The following SERINC2 variants were observed in gnomAD, a reference collection of about 807,000 sequenced individuals.
SERINC2 encodes the protein tumor differentially expressed protein 2.
SERINC2 carries 56 observed loss-of-function variants against 54.2 expected under a neutral mutation model. That is an observed-to-expected ratio of 1.03 (90% confidence interval 0.83 to 1.29). The LOEUF is 1.29. Ranked by LOEUF, SERINC2 falls within the 50% of genes most tolerant of loss-of-function variation. SERINC2 has a pLI of 0.00. For synonymous variants in SERINC2, 272 were observed against 253.1 expected, an observed-to-expected ratio of 1.07 and a Z score of -0.71; for missense variants, 614 against 607.4, an observed-to-expected ratio of 1.01 and a Z score of -0.12.
chr1:31,414,750 T>A (rs1004477987), intron 1 of SERINC2: 1 of 985,332 alleles, frequency 1.0e-6, no homozygotes, highest in Non-Finnish European at 1.2e-6. Flanking sequence ...GCTTCCACAG[T>A]GGACCTGATT....
intron 8 of SERINC2, among the ~76,000 whole-genome samples, chr1:31,432,204 A>G (rs113766066): frequency 0.014 from 628 of 46,026 alleles, 12 homozygotes; most frequent in African/African-American, 0.018. Flanking sequence ...GAGTGGAGAG[A>G]GTGGACAGGG....
At chr1:31,414,191 C>T (rs1452769759) in intron 1 of SERINC2, 63 of 1,366,772 alleles carry the variant, frequency 4.6e-5, no homozygotes, top group Non-Finnish European at 5.7e-5. Context: ...AACCTCTGTT[C>T]TGTAGCTGCA....
At chr1:31,431,810 TGGACAGGGTGGATAGGGTGGA>T (rs1557499879) in intron 8 of SERINC2, among the ~76,000 whole-genome samples, 4 of 145,148 alleles carry the variant, frequency 2.8e-5, no homozygotes, top group South Asian at 2.3e-4. Flanking sequence ...GTGGACAGGG[TGGACAGGGTGGATAGGGTGGA>T]TAGGGTGGAT....
At chr1:31,415,690 G>T (rs1312586219) in intron 1 of SERINC2, among the ~76,000 whole-genome samples, 1 of 152,226 alleles carries the variant, frequency 6.6e-6, no homozygotes, top group Non-Finnish European at 1.5e-5. Flanking sequence ...ACATTAAGTG[G>T]TGTAGTTGGG....
At chr1:31,428,947 G>T in intron 6 of SERINC2, 31 bp from the exon 7 acceptor site, 1 of 1,595,278 alleles carries the variant, frequency 6.3e-7, no homozygotes, top group African/African-American at 1.3e-5. Flanking sequence ...CTCTGGTCTG[G>T]CAGGGGTCTT....
At chr1:31,418,049 G>C (rs1199272573) in intron 1 of SERINC2, among the ~76,000 whole-genome samples, 3 of 151,968 alleles carry the variant, frequency 2.0e-5, no homozygotes, top group South Asian at 2.1e-4. Flanking sequence ...AGTAGAGATA[G>C]GGTTTCACCA....
chr1:31,431,777 A>G, intron 8 of SERINC2, among the ~76,000 whole-genome samples: 1 of 95,632 alleles, frequency 1.0e-5, no homozygotes, highest in Admixed American at 9.7e-5. Context: ...GAGAGGGTGA[A>G]TAGGGTGGAT....
chr1:31,432,071 TGGACAGGGTGGTTAGGGTGGAC>T (rs1641275364), intron 8 of SERINC2, among the ~76,000 whole-genome samples: 8 of 130,776 alleles, frequency 6.1e-5, no homozygotes, highest in Non-Finnish European at 8.0e-5. Context: ...GTGGACAGGG[TGGACAGGGTGGTTAGGGTGGAC>T]AGGGTGGACA....
Position 31,428,608 on chromosome 1 carries a change from A to G in SERINC2, c.781-370A>G, listed in dbSNP as rs560628075. 1.4e-4 allele frequency among the ~76,000 whole-genome samples: 21 copies of G among 152,260 alleles called. No homozygotes were observed. In the East Asian group the frequency reaches 3.5e-3, roughly 25 times the overall value. ...CGGAGATGCTGGGAAGGAACTTGTC[A>G]GAGGGAGGGCACAGCGACGGCAAAG... On this transcript the variant is annotated intron_variant, in intron 6 of 9. Coordinates refer to ENST00000373709, the MANE Select transcript of SERINC2 (RefSeq NM_178865.5).
upstream of SERINC2, among the ~76,000 whole-genome samples, chr1:31,412,000 CAAAAAAAAAAAA>C (rs11368197): frequency 2.2e-4 from 10 of 44,506 alleles, no homozygotes; most frequent in Non-Finnish European, 3.1e-4. Flanking sequence ...GACCCTGTCT[CAAAAAAAAAAAA>C]AAAAAAAAAA....
At chr1:31,422,690 A>G (rs1388970725) in intron 1 of SERINC2, among the ~76,000 whole-genome samples, 6 of 152,068 alleles carry the variant, frequency 3.9e-5, no homozygotes, top group Non-Finnish European at 5.9e-5. Flanking sequence ...CTGGGTGAGG[A>G]GTAGGGGCTG....
Position 31,426,732 on chromosome 1 carries a change from C to T in SERINC2, c.689C>T (p.Pro230Leu), listed in dbSNP as rs1641053647. The stretch of plus-strand genomic sequence containing the variant: ...CTGATGTTCATGTACTACACTGAGC[C>T]CAGCGGCTGCCACGAGGGCAAGGTC... ...VALMFMYYTEPSGCHEGKVFI... is the reference protein window; with the variant it reads ...VALMFMYYTELSGCHEGKVFI... The change falls in exon 6 of 10, where the codon CCC becomes CTC. Residue 230 changes from proline (P) to leucine (L), a missense_variant. By Grantham distance (98) the Pro-to-Leu change is moderately conservative. Transcript: ENST00000373709. 3 of 1,614,138 alleles carry T rather than the reference C, an allele frequency of 1.9e-6. No homozygotes were observed. In the African/African-American group the frequency reaches 4.0e-5, roughly 22 times the overall value.
intron 6 of SERINC2, among the ~76,000 whole-genome samples, chr1:31,428,532 C>T (rs185419253): frequency 2.0e-5 from 3 of 152,174 alleles, no homozygotes; most frequent in East Asian, 3.9e-4. Flanking sequence ...AGTTCAGGTT[C>T]CCAGGGCTCC....
intron 1 of SERINC2, chr1:31,416,044 C>A (rs1640773538): frequency 2.8e-6 from 1 of 355,534 alleles, no homozygotes; most frequent in Non-Finnish European, 3.9e-6. Context: ...GTGTGAAAGG[C>A]CTTTGGGTCA....
chr1:31,432,060 G>T (rs1222306661), intron 8 of SERINC2, among the ~76,000 whole-genome samples: 1 of 133,156 alleles, frequency 7.5e-6, no homozygotes, highest in African/African-American at 3.0e-5. Context: ...GGGTGGACAG[G>T]GTGGACAGGG....
At chr1:31,412,006 A>G (rs902234437), upstream of SERINC2, among the ~76,000 whole-genome samples, 2 of 149,326 alleles carry the variant, frequency 1.3e-5, no homozygotes, top group African/African-American at 4.9e-5. Flanking sequence ...GTCTCAAAAA[A>G]AAAAAAAAAA....
chr1:31,424,802 C>T lies in SERINC2; in HGVS notation c.321C>T (p.Phe107=). The T allele has an allele frequency of 6.2e-7, 1 of 1,612,222 alleles. No individual in the cohort carries two copies. The highest frequency in any genetic ancestry group is 8.5e-7 in the Non-Finnish European group (1 of 1,179,554). The change falls in exon 3 of 10, where the codon TTC becomes TTT. Residue 107 remains phenylalanine (F), a synonymous_variant. Coordinates refer to ENST00000373709, the MANE Select transcript of SERINC2 (RefSeq NM_178865.5). ...GCATGTGCTTCGCCACGGCGGCCTT[C>T]TTCTTCTTTTTCACCCTGCTCATGC... The part of the protein sequence containing the change: ...VYRMCFATAA[F]FFFFTLLMLC...
At chr1:31,426,515 G>A (rs1553133626) in intron 5 of SERINC2, 139 bp from the exon 6 acceptor site, 2 of 638,974 alleles carry the variant, frequency 3.1e-6, no homozygotes, top group South Asian at 2.2e-5. Flanking sequence ...TTGGTGAAAG[G>A]CAGTGACGTC....
At position 31,433,168 on chromosome 1, in the gene SERINC2, G is replaced by T. The variant is rs115167136; in HGVS notation, c.1215G>T (p.Thr405=). Residue 405 remains threonine, a synonymous_variant, in exon 9 of 10, where the codon ACG becomes ACT. Transcript: ENST00000373709. ...LVLASLHVMM[T]LTNWYKPGET... The stretch of plus-strand genomic sequence containing the variant: ...TGGCCTCACTGCACGTCATGATGAC[G>T]CTCACCAACTGGTACAAGTGCGTAG... 6 of 1,613,466 alleles carry T rather than the reference G, an allele frequency of 3.7e-6. No individual in the cohort carries two copies. In the African/African-American group the frequency reaches 8.0e-5, roughly 22 times the overall value.
Sources: allele counts gnomAD v4.1 joint callset (sites outside exome capture counted in the v4.1 genomes callset), GRCh38; gene constraint gnomAD v4.1.1; transcripts MANE v1.5; gene names NCBI Gene and HGNC (gene_info 2026-07-23, HGNC 2026-07-21).